BRCC3: variants seen among roughly 807,000 people sequenced by gnomAD.
BRCC3 encodes BRCA1/BRCA2-containing complex subunit 3.
In BRCC3, 15 loss-of-function variants were observed where a neutral mutation model predicts 28.0. The observed-to-expected ratio is 0.54, with a 90% CI of 0.36 to 0.82. BRCC3 has a LOEUF of 0.82. Ranked by LOEUF, BRCC3 falls within the 40% of genes least tolerant of loss-of-function variation. BRCC3 has a pLI of 0.01. For synonymous variants in BRCC3, 66 were observed against 80.3 expected, an observed-to-expected ratio of 0.82 and a Z score of 0.95; for missense variants, 109 against 225.9, an observed-to-expected ratio of 0.48 and a Z score of 3.32.
intron 7 of BRCC3, among the ~76,000 whole-genome samples, chrX:155,114,575 T>A (rs1427628843): frequency 1.8e-5 from 2 of 109,487 alleles, no homozygotes; most frequent in East Asian, 5.7e-4. Flanking sequence ...TTTATTTTTT[T>A]AACCACAATT....
chrX:155,072,166 G>A (rs1180028282), intron 1 of BRCC3, among the ~76,000 whole-genome samples, 161 bp from the exon 2 acceptor site: 1 of 112,215 alleles, frequency 8.9e-6, no homozygotes, highest in Non-Finnish European at 1.9e-5. Context: ...GGGCCGAAGA[G>A]GATGAGGAAA....
intron 3 of BRCC3, among the ~76,000 whole-genome samples, chrX:155,076,533 G>A (rs892199820): frequency 1.8e-5 from 2 of 111,508 alleles, no homozygotes; most frequent in East Asian, 5.6e-4. Context: ...GGGAAGCAAG[G>A]CATATCTTAC....
At chrX:155,093,227 G>C (rs1459921101) in intron 7 of BRCC3, among the ~76,000 whole-genome samples, 1 of 110,726 alleles carries the variant, frequency 9.0e-6, no homozygotes, top group Non-Finnish European at 1.9e-5. Context: ...TTTTTTGTTT[G>C]TTTGTTTTGT....
At chrX:155,105,721 C>T (rs782006730) in intron 7 of BRCC3, among the ~76,000 whole-genome samples, 20 of 111,768 alleles carry the variant, frequency 1.8e-4, no homozygotes, top group South Asian at 3.8e-4. Flanking sequence ...TGTTTTGAGA[C>T]GGAGTCTCGC....
intron 7 of BRCC3, among the ~76,000 whole-genome samples, chrX:155,104,478 G>A (rs1228619151): frequency 2.7e-5 from 3 of 112,353 alleles, no homozygotes; most frequent in African/African-American, 9.7e-5. Context: ...CCAATATTAT[G>A]AGATTTTCCA....
chrX:155,094,013 A>C (rs1433441559), intron 7 of BRCC3, among the ~76,000 whole-genome samples: 1 of 111,057 alleles, frequency 9.0e-6, no homozygotes, highest in African/African-American at 3.3e-5. Context: ...AAAATGTTAG[A>C]TTGCCTTCTG....
chrX:155,099,628 C>G (rs1438479736), intron 7 of BRCC3, among the ~76,000 whole-genome samples: 1 of 112,094 alleles, frequency 8.9e-6, no homozygotes, highest in Admixed American at 9.4e-5. Context: ...TTGGAATAGG[C>G]AGCCAGCAAT....
intron 5 of BRCC3, among the ~76,000 whole-genome samples, chrX:155,084,490 G>A (rs1175160854): frequency 1.8e-5 from 2 of 111,713 alleles, no homozygotes; most frequent in Non-Finnish European, 3.8e-5. Context: ...AGCCTCCTGA[G>A]TAGCTGGGAC....
At chrX:155,109,724 A>G (rs1459600955) in intron 7 of BRCC3, among the ~76,000 whole-genome samples, 2 of 111,819 alleles carry the variant, frequency 1.8e-5, no homozygotes, top group Non-Finnish European at 3.8e-5. Flanking sequence ...TCCATAAACA[A>G]GGGCAATTTA....
Position 155,073,410 on chromosome X carries a change from A to G in BRCC3, c.174A>G (p.Glu58=). 2.6e-6 allele frequency: 3 copies of G among 1,168,848 alleles called. No homozygotes were observed. Among genetic ancestry groups the G allele is most frequent in the Non-Finnish European group, 3.4e-6 (3 of 873,259 alleles). Residue 58 remains glutamate (E), a synonymous_variant, in exon 3 of 11, where the codon GAA becomes GAG. Transcript: ENST00000330045. ...CCAAATTTGCATATACTGGAACTGA[A>G]ATGCGCACAGTTGCTGAAAAGGTAT... The part of the protein sequence containing the change: ...SDSKFAYTGT[E]MRTVAEKVDA...
At chrX:155,087,205 T>C (rs1207970721) in intron 5 of BRCC3, among the ~76,000 whole-genome samples, 4 of 111,533 alleles carry the variant, frequency 3.6e-5, no homozygotes, top group Non-Finnish European at 7.6e-5. Flanking sequence ...AGGGGGTACA[T>C]CCATTAGGAC....
chrX:155,076,075 C>A (rs1407747790), intron 3 of BRCC3, among the ~76,000 whole-genome samples: 1 of 112,203 alleles, frequency 8.9e-6, no homozygotes, highest in Non-Finnish European at 1.9e-5. Flanking sequence ...TAAGTGAGTT[C>A]TTTCCTCTGA....
intron 8 of BRCC3, 94 bp downstream of exon 8, chrX:155,116,282 G>T: frequency 1.1e-6 from 1 of 874,695 alleles, no homozygotes; most frequent in Admixed American, 3.9e-5. Flanking sequence ...CAACTCTTGA[G>T]GCCCCTTCTT....
intron 9 of BRCC3, among the ~76,000 whole-genome samples, chrX:155,119,636 G>A (rs190872496): frequency 1.5e-4 from 17 of 112,285 alleles, no homozygotes; most frequent in Non-Finnish European, 2.8e-4. Context: ...TGGCCCATTA[G>A]GAGGTTATGG....
chrX:155,116,999 C>T (rs1455652624), intron 9 of BRCC3, among the ~76,000 whole-genome samples: 1 of 111,934 alleles, frequency 8.9e-6, no homozygotes, highest in Non-Finnish European at 1.9e-5. Flanking sequence ...TTATGATAGA[C>T]CTACTCAGTG....
chrX:155,116,724 G>A lies in BRCC3; in HGVS notation c.694G>A (p.Asp232Asn). The change falls in exon 9 of 11, where the codon GAC (aspartate) becomes AAC (asparagine). Residue 232 changes from aspartate to asparagine, a missense_variant. By Grantham distance (23) the Asp-to-Asn change is conservative. Transcript: ENST00000330045. ...YRRIHSLTHL[D>N]SVTKIHNGSV... is the part of the protein sequence containing the mutation. Reference sequence around the variant, plus strand: ...TTTATTCTTTAGCCTTACACATCTGGACTCAGTAACCAAGATCCATAATGG... The same window carrying A: ...TTTATTCTTTAGCCTTACACATCTGAACTCAGTAACCAAGATCCATAATGG... 8.5e-7 allele frequency: 1 copy of A among 1,180,774 alleles called. No individual in the cohort carries two copies. The highest frequency in any genetic ancestry group is 1.1e-6 in the Non-Finnish European group (1 of 875,358).
intron 5 of BRCC3, among the ~76,000 whole-genome samples, chrX:155,082,213 T>C (rs1305024668): frequency 1.8e-5 from 2 of 112,050 alleles, no homozygotes; most frequent in Admixed American, 9.4e-5. Context: ...CTAAGGAAAC[T>C]CTAATGAGGC....
intron 3 of BRCC3, among the ~76,000 whole-genome samples, chrX:155,075,270 A>AAC: frequency 1.9e-5 from 1 of 51,416 alleles, no homozygotes; most frequent in South Asian, 8.4e-4. Flanking sequence ...TCAACATCTG[A>AAC]TAATGCTAAG....
intron 7 of BRCC3, among the ~76,000 whole-genome samples, chrX:155,113,437 T>G (rs781926514): frequency 9.0e-6 from 1 of 110,641 alleles, no homozygotes; most frequent in East Asian, 2.8e-4. Context: ...CTGGGAAAAC[T>G]GAATATTCAC....
Sources: allele counts gnomAD v4.1 joint callset (sites outside exome capture counted in the v4.1 genomes callset), GRCh38; gene constraint gnomAD v4.1.1; transcripts MANE v1.5; gene names NCBI Gene and HGNC (gene_info 2026-07-23, HGNC 2026-07-21).